SLC35F3: variants seen among roughly 807,000 people sequenced by gnomAD.
The protein encoded by SLC35F3 is solute carrier family 35 member F3.
In SLC35F3, 25 loss-of-function variants were observed where a neutral mutation model predicts 49.9. The observed-to-expected ratio is 0.50, with a 90% CI of 0.37 to 0.70. The LOEUF is 0.70. Among genes scored for constraint, SLC35F3 ranks in the 30% least tolerant of loss-of-function variants. The pLI, the probability that SLC35F3 is intolerant of heterozygous loss-of-function variation, is 0.00. For missense variants in SLC35F3, 525 were observed against 639.8 expected, an observed-to-expected ratio of 0.82 and a Z score of 1.94; for synonymous variants, 275 against 265.4, an observed-to-expected ratio of 1.04 and a Z score of -0.35.
chr1:234,225,321 A>C (rs1430839909), intron 2 of SLC35F3, among the ~76,000 whole-genome samples: 1 of 149,610 alleles, frequency 6.7e-6, no homozygotes, highest in Non-Finnish European at 1.5e-5. Flanking sequence ...GGCCATAAAC[A>C]AAAGCTTTCT....
chr1:234,237,179 A>G (rs1264020080), intron 3 of SLC35F3, among the ~76,000 whole-genome samples: 1 of 151,846 alleles, frequency 6.6e-6, no homozygotes, highest in East Asian at 1.9e-4. Context: ...AGTAGGATTC[A>G]TGGTACTAAT....
intron 2 of SLC35F3, among the ~76,000 whole-genome samples, chr1:233,952,627 G>A (rs1247118468): frequency 6.6e-6 from 1 of 152,100 alleles, no homozygotes; most frequent in East Asian, 1.9e-4. Flanking sequence ...CACATCCAGT[G>A]TCTCCCACAC....
chr1:234,080,762 A>G (rs1664863359), intron 2 of SLC35F3, among the ~76,000 whole-genome samples: 1 of 152,212 alleles, frequency 6.6e-6, no homozygotes, highest in Non-Finnish European at 1.5e-5. Context: ...AGGGAAGTGG[A>G]AGGAACTAGG....
intron 2 of SLC35F3, among the ~76,000 whole-genome samples, chr1:234,019,324 A>G (rs898988616): frequency 6.6e-6 from 1 of 152,094 alleles, no homozygotes; most frequent in Non-Finnish European, 1.5e-5. Context: ...AACAGTAACA[A>G]AACCAACAGG....
At chr1:234,098,220 T>G (rs1349268229) in intron 2 of SLC35F3, among the ~76,000 whole-genome samples, 1 of 150,238 alleles carries the variant, frequency 6.7e-6, no homozygotes, top group Non-Finnish European at 1.5e-5. Context: ...GTGGTGGTAG[T>G]GACGGTGTCA....
chr1:234,210,135 A>C (rs1382466543), intron 2 of SLC35F3, among the ~76,000 whole-genome samples: 1 of 152,164 alleles, frequency 6.6e-6, no homozygotes, highest in Non-Finnish European at 1.5e-5. Context: ...TCCCTGCACA[A>C]GCTCTCTCTT....
intron 2 of SLC35F3, among the ~76,000 whole-genome samples, chr1:233,917,151 T>C (rs12095408): frequency 0.037 from 5,703 of 152,286 alleles, 352 homozygotes; most frequent in African/African-American, 0.13. Context: ...CTCCATGCCA[T>C]ACTTTCTTTG....
chr1:234,273,155 G>T (rs1449949407), intron 3 of SLC35F3, among the ~76,000 whole-genome samples: 1 of 152,250 alleles, frequency 6.6e-6, no homozygotes, highest in Non-Finnish European at 1.5e-5. Context: ...GTCCCTGCCT[G>T]GTTCTCTGGA....
chr1:233,956,266 C>T (rs776939029), intron 2 of SLC35F3, among the ~76,000 whole-genome samples: 1 of 152,026 alleles, frequency 6.6e-6, no homozygotes, highest in South Asian at 2.1e-4. Context: ...TAGCAGAGTC[C>T]ATATTCTAAA....
At chr1:234,158,920 A>AT (rs1212620462) in intron 2 of SLC35F3, among the ~76,000 whole-genome samples, 4 of 152,250 alleles carry the variant, frequency 2.6e-5, no homozygotes, top group Non-Finnish European at 5.9e-5. Context: ...AACAAAGGAG[A>AT]TTTTTCCCCA....
chr1:234,079,822 A>G (rs958951596), intron 2 of SLC35F3, among the ~76,000 whole-genome samples: 1 of 152,232 alleles, frequency 6.6e-6, no homozygotes, highest in African/African-American at 2.4e-5. Flanking sequence ...TGAGAAAGTA[A>G]AATGATGCAG....
chr1:234,271,357 C>CATT (rs57868402), intron 3 of SLC35F3, among the ~76,000 whole-genome samples: 8,833 of 152,208 alleles, frequency 0.058, 296 homozygotes, highest in African/African-American at 0.09. Flanking sequence ...AGTCATTCTT[C>CATT]ATTTTCAGAT....
In SLC35F3 at chr1:234,139,951, T is replaced by TAATAAAATAAAATAAAATAAATAAAATAA. The variant is rs1665868761; in HGVS notation, c.284-91445_284-91444insTAAAATAAAATAAAATAAAATAAAATAAA. Among the ~76,000 whole-genome samples, 5 of 90,564 alleles carry TAATAAAATAAAATAAAATAAATAAAATAA rather than the reference T, an allele frequency of 5.5e-5. 1 individual carries two copies. Among genetic ancestry groups the TAATAAAATAAAATAAAATAAATAAAATAA allele is most frequent in the Non-Finnish European group, 4.6e-5 (2 of 43,888 alleles). 59.4% of individuals were successfully genotyped at this position (90,564 alleles called of 152,430 possible). A position where few individuals can be genotyped will look rare whatever the true frequency, so the allele number is the denominator to read the frequency against. ...AACAGAGCGAGACTCCATCTCAAAA[T>TAATAAAATAAAATAAAATAAATAAAATAA]AATAAAATAAAATAAAATAAAATAA... On this transcript the variant is annotated intron_variant, in intron 2 of 7. Transcript: ENST00000366618.
At chr1:233,959,245 GTT>G (rs5781772) in intron 2 of SLC35F3, among the ~76,000 whole-genome samples, 6 of 149,870 alleles carry the variant, frequency 4.0e-5, no homozygotes, top group East Asian at 2.0e-4. Context: ...TGATTTAGGT[GTT>G]TTTTTTTTTA....
chr1:234,317,870 C>CAA (rs1201314239), intron 5 of SLC35F3, among the ~76,000 whole-genome samples: 1 of 152,246 alleles, frequency 6.6e-6, no homozygotes, highest in Non-Finnish European at 1.5e-5. Context: ...ACACAATCCA[C>CAA]AATGAACACA....
chr1:234,174,498 C>A (rs149688694), intron 2 of SLC35F3, among the ~76,000 whole-genome samples: 1 of 152,316 alleles, frequency 6.6e-6, no homozygotes, highest in East Asian at 1.9e-4. Flanking sequence ...TACTTAATCC[C>A]GCCCTGTCTC....
At chr1:234,082,727 C>A (rs903616652) in intron 2 of SLC35F3, among the ~76,000 whole-genome samples, 5 of 152,148 alleles carry the variant, frequency 3.3e-5, no homozygotes, top group Admixed American at 6.5e-5. Flanking sequence ...ATCATGGCAG[C>A]AGGCGAGAGA....
chr1:233,955,420 A>C (rs891080230), intron 2 of SLC35F3, among the ~76,000 whole-genome samples: 1 of 152,102 alleles, frequency 6.6e-6, no homozygotes, highest in Non-Finnish European at 1.5e-5. Context: ...CTCTCTGCTC[A>C]TCTTGGCCGG....
At chr1:234,170,281 C>T (rs545564315) in intron 2 of SLC35F3, among the ~76,000 whole-genome samples, 4 of 152,078 alleles carry the variant, frequency 2.6e-5, no homozygotes, top group Admixed American at 6.5e-5. Context: ...GAGGGGGGCA[C>T]GGCAGCTCGT....
Sources: gnomAD v4.1 joint callset for allele counts (sites outside exome capture counted in the v4.1 genomes callset) on GRCh38, gnomAD v4.1.1 for gene constraint, MANE v1.5 for transcripts, NCBI Gene and HGNC (gene_info 2026-07-23, HGNC 2026-07-21) for gene names.